The following MARCHF11 variants were observed in gnomAD, a reference collection of about 807,000 sequenced individuals.
MARCHF11 encodes membrane associated ring-CH-type finger 11, also known as E3 ubiquitin-protein ligase MARCHF11.
A neutral mutation model predicts 37.3 loss-of-function variants in MARCHF11; 29 were observed. That is an observed-to-expected ratio of 0.78 (90% CI 0.58 to 1.06). The LOEUF (loss-of-function observed/expected upper bound fraction) is 1.06, where lower values mean the gene tolerates loss of function less well. MARCHF11 is among the 50% of genes least tolerant of loss of function. The pLI is 0.00. For synonymous variants in MARCHF11, 233 were observed against 228.0 expected (o/e 1.02, Z -0.20); for missense variants, 482 against 533.4 (o/e 0.90, Z 0.95).
At chr5:16,114,565 TC>T (rs1737199924) in intron 2 of MARCHF11, among the ~76,000 whole-genome samples, 1 of 152,170 alleles carries the variant, frequency 6.6e-6, no homozygotes, top group Admixed American at 6.5e-5. Flanking sequence ...GTGGTAATCT[TC>T]CCTTTTTGTC....
At chr5:16,103,174 T>G (rs921843431) in intron 2 of MARCHF11, among the ~76,000 whole-genome samples, 3 of 150,528 alleles carry the variant, frequency 2.0e-5, no homozygotes, top group African/African-American at 7.3e-5. Flanking sequence ...TATGCACTCA[T>G]AGAGAAAAGT....
At chr5:16,175,850 T>C (rs1423103678) in intron 2 of MARCHF11, among the ~76,000 whole-genome samples, 4 of 152,192 alleles carry the variant, frequency 2.6e-5, no homozygotes, top group Admixed American at 6.5e-5. Flanking sequence ...ATTTGGTAGG[T>C]CACTACAACA....
chr5:16,134,906 G>A (rs1222634117), intron 2 of MARCHF11, among the ~76,000 whole-genome samples: 1 of 151,638 alleles, frequency 6.6e-6, no homozygotes, highest in Non-Finnish European at 1.5e-5. Flanking sequence ...ATGTGTGCAT[G>A]TATATTTAAA....
intron 2 of MARCHF11, among the ~76,000 whole-genome samples, chr5:16,146,542 C>T (rs186445641): frequency 1.8e-4 from 28 of 152,218 alleles, no homozygotes; most frequent in African/African-American, 6.5e-4. Flanking sequence ...CAGGACTCTA[C>T]GGCTCATTTA....
Position 16,145,793 on chromosome 5 carries a change from A to G in MARCHF11, c.693+31933T>C, listed in dbSNP as rs543836129. Among the ~76,000 whole-genome samples the G allele has an allele frequency of 2.2e-4, 34 of 152,252 alleles. 2 individuals are homozygous for G. The South Asian group carries it at 6.8e-3, about 31-fold the overall frequency. ...CTTTTCACAGAATCACCATCTCCATATTTCAACATAGGTATGACACACGGC... is the reference window on the plus strand; with the variant it reads ...CTTTTCACAGAATCACCATCTCCATGTTTCAACATAGGTATGACACACGGC... On this transcript the variant is annotated intron_variant, in intron 2 of 3. Coordinates refer to ENST00000332432, the MANE Select transcript of MARCHF11 (RefSeq NM_001102562.3).
chr5:16,131,500 A>T (rs1319058125), intron 2 of MARCHF11, among the ~76,000 whole-genome samples: 1 of 152,230 alleles, frequency 6.6e-6, no homozygotes, highest in Non-Finnish European at 1.5e-5. Context: ...AATGCAATCT[A>T]AAACAAAATG....
Position 16,145,702 on chromosome 5 carries a change from A to G in MARCHF11, c.693+32024T>C, listed in dbSNP as rs190603541. ...GTGGATTCTGGAAAAATATAAATAA[A>G]CAATGTCCCTTTTTTCTCATTCCAG... On this transcript the variant is annotated intron_variant, in intron 2 of 3. Coordinates refer to ENST00000332432, the MANE Select transcript of MARCHF11 (RefSeq NM_001102562.3). 5.9e-5 allele frequency among the ~76,000 whole-genome samples: 9 copies of G among 152,154 alleles called. No individual in the cohort carries two copies. The East Asian group carries it at 1.7e-3, about 29-fold the overall frequency.
chr5:16,076,295 AT>A (rs11451511), intron 3 of MARCHF11, among the ~76,000 whole-genome samples: 59 of 152,056 alleles, frequency 3.9e-4, no homozygotes, highest in South Asian at 3.7e-3. Context: ...CTTTTTTATC[AT>A]TTTTTTTAAA....
In MARCHF11 at chr5:16,179,661, G is replaced by T; in HGVS notation, c.-86C>A. The T allele has an allele frequency of 1.0e-6, 1 of 995,238 alleles. No homozygotes were observed. The highest frequency in any genetic ancestry group is 1.2e-6 in the Non-Finnish European group (1 of 814,448). 61.7% of individuals were successfully genotyped at this position (995,238 alleles called of 1,614,324 possible). On this transcript the variant is annotated 5_prime_UTR_variant, in exon 1 of 4. Coordinates refer to ENST00000332432, the MANE Select transcript of MARCHF11 (RefSeq NM_001102562.3). ...AAAGAGAGCGCGGAGGGGGCGGGAG[G>T]GAGAGGGGAAAAGGAGGGAGGGGGC...
chr5:16,070,437 C>T (rs1736414049), intron 3 of MARCHF11, among the ~76,000 whole-genome samples: 1 of 152,188 alleles, frequency 6.6e-6, no homozygotes, highest in Non-Finnish European at 1.5e-5. Flanking sequence ...GGGGAACACA[C>T]ATTCGCACTA....
At chr5:16,116,356 C>T (rs1364051603) in intron 2 of MARCHF11, among the ~76,000 whole-genome samples, 2 of 152,146 alleles carry the variant, frequency 1.3e-5, no homozygotes, top group Non-Finnish European at 2.9e-5. Context: ...ACTACACTAC[C>T]TCCAATCCCA....
intron 3 of MARCHF11, among the ~76,000 whole-genome samples, chr5:16,078,818 T>C (rs1340852108): frequency 6.6e-6 from 1 of 152,122 alleles, no homozygotes; most frequent in Admixed American, 6.5e-5. Context: ...CCCATTCCCA[T>C]GTTGATTTGG....
chr5:16,067,619 C>G lies in MARCHF11; in HGVS notation c.1061G>C (p.Arg354Thr), dbSNP rs941689859. 6.2e-7 allele frequency: 1 copy of G among 1,613,998 alleles called. No homozygotes were observed. The highest frequency in any genetic ancestry group is 8.5e-7 in the Non-Finnish European group (1 of 1,179,868). Residue 354 changes from arginine (R) to threonine (T), a missense_variant, in exon 4 of 4, where the codon AGA (arginine) becomes ACA (threonine). Physicochemically the swap from Arg to Thr is moderately conservative, Grantham distance 71. Coordinates refer to ENST00000332432, the MANE Select transcript of MARCHF11 (RefSeq NM_001102562.3). ...TAACTGAGTTGGGTGGACCAAGTTT[C>G]TGTTCCGCAGAGCTGTCAATGGCAA... The part of the protein sequence containing the change: ...LWLPLTALRN[R>T]NLVHPTQLTS...
At chr5:16,128,479 A>G (rs1254846649) in intron 2 of MARCHF11, among the ~76,000 whole-genome samples, 96 of 152,212 alleles carry the variant, frequency 6.3e-4, no homozygotes, top group Non-Finnish European at 2.9e-5. Context: ...AGCCACTGAG[A>G]TAACCCCTAG....
chr5:16,084,989 A>AGTGTGT (rs530675511), intron 3 of MARCHF11, among the ~76,000 whole-genome samples: 4 of 128,666 alleles, frequency 3.1e-5, no homozygotes, highest in African/African-American at 1.1e-4. Flanking sequence ...CAGGGATCAG[A>AGTGTGT]GTGAGTGTGT....
intron 2 of MARCHF11, among the ~76,000 whole-genome samples, chr5:16,138,557 C>A (rs556026163): frequency 5.3e-5 from 8 of 152,312 alleles, no homozygotes; most frequent in African/African-American, 1.9e-4. Context: ...CACTGTGGCA[C>A]CACCTGGTGG....
At chr5:16,133,558 C>A (rs1737555373) in intron 2 of MARCHF11, among the ~76,000 whole-genome samples, 5 of 152,110 alleles carry the variant, frequency 3.3e-5, no homozygotes, top group Admixed American at 6.6e-5. Flanking sequence ...AGTTTTGGAT[C>A]TTTTCTTACA....
intron 2 of MARCHF11, among the ~76,000 whole-genome samples, chr5:16,128,169 T>C (rs1442283612): frequency 2.0e-5 from 3 of 152,228 alleles, no homozygotes; most frequent in African/African-American, 7.2e-5. Context: ...GTATTTTTAT[T>C]GAAATTTCAC....
At chr5:16,121,170 G>C (rs1737303281) in intron 2 of MARCHF11, among the ~76,000 whole-genome samples, 1 of 152,112 alleles carries the variant, frequency 6.6e-6, no homozygotes, top group African/African-American at 2.4e-5. Context: ...TCAGATTTCT[G>C]CCCAACTATG....
Sources: gnomAD v4.1 joint callset for allele counts (sites outside exome capture counted in the v4.1 genomes callset) on GRCh38, gnomAD v4.1.1 for gene constraint, MANE v1.5 for transcripts, NCBI Gene and HGNC (gene_info 2026-07-23, HGNC 2026-07-21) for gene names.